The following CHMP4C variants were observed in gnomAD, a reference collection of about 807,000 sequenced individuals.
CHMP4C encodes the protein SNF7 homolog associated with Alix 3.
Under a neutral mutation model 29.0 loss-of-function variants are expected in CHMP4C, and 28 were observed. That is an observed-to-expected ratio of 0.97 (90% confidence interval 0.72 to 1.32). The LOEUF (loss-of-function observed/expected upper bound fraction) is 1.32, where lower values mean the gene tolerates loss of function less well. Among genes scored for constraint, CHMP4C ranks in the 40% most tolerant of loss-of-function variants. CHMP4C has a pLI of 0.00. For missense variants in CHMP4C, 291 were observed against 281.0 expected, an observed-to-expected ratio of 1.04 and a Z score of -0.25; for synonymous variants, 106 against 102.4, an observed-to-expected ratio of 1.04 and a Z score of -0.21.
At chr8:81,747,734 G>T (rs2130487131) in intron 1 of CHMP4C, among the ~76,000 whole-genome samples, 1 of 152,204 alleles carries the variant, frequency 6.6e-6, no homozygotes. Context: ...CACGTTGGTA[G>T]GATAGGTGTG....
chr8:81,738,976 C>G (rs1458347973), intron 1 of CHMP4C, among the ~76,000 whole-genome samples: 1 of 152,072 alleles, frequency 6.6e-6, no homozygotes, highest in Non-Finnish European at 1.5e-5. Context: ...GGATTACTCT[C>G]TATTTATTCT....
chr8:81,749,346 T>A (rs1043033214), intron 1 of CHMP4C, among the ~76,000 whole-genome samples: 4 of 152,236 alleles, frequency 2.6e-5, no homozygotes, highest in African/African-American at 9.6e-5. Flanking sequence ...ATAATGCACA[T>A]AAAGCACTTA....
intron 3 of CHMP4C, among the ~76,000 whole-genome samples, chr8:81,756,016 A>G (rs889489198): frequency 2.0e-5 from 3 of 152,300 alleles, no homozygotes; most frequent in Admixed American, 1.3e-4. Context: ...GTGAATTTCA[A>G]TTGTTCTGCT....
At chr8:81,752,758 C>A (rs1275513109) in intron 1 of CHMP4C, among the ~76,000 whole-genome samples, 1 of 152,064 alleles carries the variant, frequency 6.6e-6, no homozygotes, top group Non-Finnish European at 1.5e-5. Context: ...TTTATCTATC[C>A]TTTTCTAAAA....
chr8:81,752,247 C>T (rs977278784), intron 1 of CHMP4C, among the ~76,000 whole-genome samples: 2 of 152,164 alleles, frequency 1.3e-5, no homozygotes, highest in African/African-American at 4.8e-5. Context: ...TAACATTCTG[C>T]TGCTGCTCTT....
intron 1 of CHMP4C, among the ~76,000 whole-genome samples, chr8:81,748,710 C>T (rs542249702): frequency 1.5e-4 from 23 of 152,052 alleles, no homozygotes; most frequent in African/African-American, 3.6e-4. Flanking sequence ...CAGGCGATCA[C>T]GAGGTCAGGA....
At chr8:81,747,954 T>A (rs373303784) in intron 1 of CHMP4C, among the ~76,000 whole-genome samples, 27 of 152,168 alleles carry the variant, frequency 1.8e-4, no homozygotes, top group African/African-American at 6.3e-4. Context: ...TTCCTCTTCC[T>A]AATAAGCCTG....
At chr8:81,758,027 C>T (rs566459748) in intron 3 of CHMP4C, 115 bp from the exon 4 acceptor site, 6 of 880,170 alleles carry the variant, frequency 6.8e-6, no homozygotes, top group South Asian at 1.8e-5. Context: ...ATAAATATTC[C>T]ATTTCACTGG....
intron 3 of CHMP4C, among the ~76,000 whole-genome samples, chr8:81,757,116 T>C (rs1027684418): frequency 6.6e-6 from 1 of 152,180 alleles, no homozygotes; most frequent in African/African-American, 2.4e-5. Context: ...CTCACTTTAA[T>C]ATTGGATAAT....
At chr8:81,753,012 G>A in intron 1 of CHMP4C, 52 bp from the exon 2 acceptor site, 1 of 1,488,094 alleles carries the variant, frequency 6.7e-7, no homozygotes, top group East Asian at 2.3e-5. Context: ...AACATCTCTT[G>A]ATTTAGTGTC....
At position 81,755,358 on chromosome 8, in the gene CHMP4C, A is replaced by G; in HGVS notation, c.369-12A>G. Reference sequence around the variant, plus strand: ...AAAATTCTAAAATGTTCAACAAAATATGATTTCCCAGGGATCTGAACAAAA... The same window carrying G: ...AAAATTCTAAAATGTTCAACAAAATGTGATTTCCCAGGGATCTGAACAAAA... On this transcript the variant is annotated splice_polypyrimidine_tract_variant and intron_variant, in intron 2 of 4. Coordinates refer to ENST00000297265, the MANE Select transcript of CHMP4C (RefSeq NM_152284.4). 2 of 1,474,806 alleles carry G rather than the reference A, an allele frequency of 1.4e-6. No individual in the cohort carries two copies. The highest frequency in any genetic ancestry group is 1.9e-6 in the Non-Finnish European group (2 of 1,067,068). The allele number at this position is 1,474,806 out of a possible 1,614,324, so 91.4% of individuals were successfully genotyped here.
intron 1 of CHMP4C, among the ~76,000 whole-genome samples, chr8:81,751,377 A>T (rs1808901127): frequency 6.6e-6 from 1 of 152,098 alleles, no homozygotes; most frequent in Non-Finnish European, 1.5e-5. Context: ...AAAGTATAAT[A>T]AAAAAACTCT....
At chr8:81,733,691 T>C (rs565821489) in intron 1 of CHMP4C, among the ~76,000 whole-genome samples, 3 of 152,324 alleles carry the variant, frequency 2.0e-5, no homozygotes, top group South Asian at 2.1e-4. Context: ...GCTCCTTCTA[T>C]TGGAATACCT....
At chr8:81,739,585 C>T (rs1041312483) in intron 1 of CHMP4C, among the ~76,000 whole-genome samples, 2 of 152,212 alleles carry the variant, frequency 1.3e-5, no homozygotes, top group Admixed American at 6.5e-5. Flanking sequence ...TTACCAGAAG[C>T]TCCACTTGGG....
At chr8:81,752,235 A>G (rs1369587433) in intron 1 of CHMP4C, among the ~76,000 whole-genome samples, 5 of 152,182 alleles carry the variant, frequency 3.3e-5, no homozygotes, top group Non-Finnish European at 1.5e-5. Flanking sequence ...TTATTTTCGT[A>G]TTAACATTCT....
At chr8:81,737,680 T>C (rs1337034312) in intron 1 of CHMP4C, among the ~76,000 whole-genome samples, 2 of 152,194 alleles carry the variant, frequency 1.3e-5, no homozygotes, top group African/African-American at 2.4e-5. Context: ...TCAATGACCC[T>C]AGACTAATAA....
chr8:81,752,932 C>G (rs996511238), intron 1 of CHMP4C, 132 bp from the exon 2 acceptor site: 3 of 596,628 alleles, frequency 5.0e-6, no homozygotes, highest in Non-Finnish European at 8.2e-6. Context: ...TTGTTTATTT[C>G]TCAGGTTTAT....
intron 1 of CHMP4C, among the ~76,000 whole-genome samples, chr8:81,734,472 A>G (rs984627986): frequency 7.2e-6 from 1 of 139,264 alleles, no homozygotes; most frequent in African/African-American, 2.8e-5. Context: ...CTGGGATTAC[A>G]GGCATGTGCC....
Position 81,758,569 on chromosome 8 carries a change from A to C in CHMP4C, c.*25A>C. On this transcript the variant is annotated 3_prime_UTR_variant, in exon 5 of 5. Transcript: ENST00000297265. ...AACTAAAACACATTTTTGATACCTA[A>C]ATTAATGAGCTATAGATAAAATATA... 6.9e-7 allele frequency: 1 copy of C among 1,441,732 alleles called. No homozygotes were observed. Among genetic ancestry groups the C allele is most frequent in the East Asian group, 2.3e-5 (1 of 44,102 alleles). The allele number at this position is 1,441,732 out of a possible 1,614,324, so 89.3% of individuals were successfully genotyped here. A position where few individuals can be genotyped will look rare whatever the true frequency, so the allele number is the denominator to read the frequency against.
Sources: allele counts gnomAD v4.1 joint callset (sites outside exome capture counted in the v4.1 genomes callset), GRCh38; gene constraint gnomAD v4.1.1; transcripts MANE v1.5; gene names NCBI Gene and HGNC (gene_info 2026-07-23, HGNC 2026-07-21).